CFAP52: variants seen among roughly 807,000 people sequenced by gnomAD.
The protein encoded by CFAP52 is cilia and flagella associated protein 52, also known as cilia- and flagella-associated protein 52.
A neutral mutation model predicts 70.5 loss-of-function variants in CFAP52; 57 were observed. The observed-to-expected ratio is 0.81, with a 90% CI of 0.65 to 1.01. CFAP52 has a LOEUF of 1.01. Among genes scored for constraint, CFAP52 ranks in the 50% least tolerant of loss-of-function variants. The probability of loss-of-function intolerance (pLI) is 0.00; values close to 1 mark genes in which losing one functional copy is unlikely to be tolerated. For missense variants in CFAP52, 785 were observed against 788.5 expected (o/e 1.00, Z 0.05); for synonymous variants, 267 against 292.5 (o/e 0.91, Z 0.89).
At chr17:9,578,556 TTTTA>T (rs1908070392) in intron 1 of CFAP52, among the ~76,000 whole-genome samples, 2 of 152,290 alleles carry the variant, frequency 1.3e-5, no homozygotes, top group East Asian at 1.9e-4. Flanking sequence ...GTATAGTTTA[TTTTA>T]TTTATTTATT....
chr17:9,634,069 T>C (rs934471832), intron 10 of CFAP52, among the ~76,000 whole-genome samples: 2 of 152,210 alleles, frequency 1.3e-5, no homozygotes, highest in Non-Finnish European at 2.9e-5. Context: ...ATGATCATGC[T>C]CAACTTTTTC....
At chr17:9,594,463 C>T in intron 4 of CFAP52, 142 bp downstream of exon 4, 1 of 1,032,846 alleles carries the variant, frequency 9.7e-7, no homozygotes, top group Non-Finnish European at 1.3e-6. Flanking sequence ...ATTTTGTACT[C>T]ATTAAAAGTT....
Position 9,594,325 on chromosome 17 carries a change from T to G in CFAP52, c.536+4T>G, listed in dbSNP as rs1429276660. 2.5e-6 allele frequency: 4 copies of G among 1,610,266 alleles called. No individual in the cohort carries two copies. The African/African-American group carries it at 4.0e-5, about 16-fold the overall frequency. ...AGATGTTTATGACTGCTGGAAAGTA[T>G]GTGTCTGCGTTCGGAGTTTTCAGAA... On this transcript the variant is annotated splice_donor_region_variant and intron_variant, in intron 4 of 13. Transcript: ENST00000352665.
chr17:9,609,701 C>T (rs998092119), intron 7 of CFAP52, among the ~76,000 whole-genome samples: 3 of 151,910 alleles, frequency 2.0e-5, no homozygotes, highest in Non-Finnish European at 4.4e-5. Context: ...AACGAGACCT[C>T]GTCTCAATTT....
intron 5 of CFAP52, among the ~76,000 whole-genome samples, chr17:9,599,195 T>C (rs1253535223): frequency 6.6e-6 from 1 of 152,208 alleles, no homozygotes; most frequent in East Asian, 1.9e-4. Context: ...ATCTGAAAAT[T>C]CAAAATTTGA....
chr17:9,633,978 G>A (rs1168216958), intron 10 of CFAP52, among the ~76,000 whole-genome samples: 1 of 152,126 alleles, frequency 6.6e-6, no homozygotes, highest in Non-Finnish European at 1.5e-5. Flanking sequence ...ACCGCGCCTG[G>A]CCCATCTTAT....
intron 1 of CFAP52, among the ~76,000 whole-genome samples, chr17:9,581,613 T>A (rs1908231039): frequency 6.6e-6 from 1 of 151,146 alleles, no homozygotes; most frequent in Non-Finnish European, 1.5e-5. Flanking sequence ...GAAAATGGAG[T>A]GTGTGTGAGT....
rs748964845 is a variant in CFAP52 at position 9,612,459 on chromosome 17, C to T, written c.1005C>T (p.Val335=). ...TLIATCHFDA[V]EDIVFPFGTA... is the part of the protein sequence containing the mutation. Reference sequence around the variant, plus strand: ...TAGCGACTTGTCACTTTGATGCTGTCGAGGATATTGTCTTTCCATTGTGAG... The same window carrying T: ...TAGCGACTTGTCACTTTGATGCTGTTGAGGATATTGTCTTTCCATTGTGAG... Residue 335 remains valine (V), a synonymous_variant, in exon 8 of 14, where the codon GTC becomes GTT. Transcript: ENST00000352665. 1.9e-6 allele frequency: 3 copies of T among 1,613,990 alleles called. No individual in the cohort carries two copies. The highest frequency in any genetic ancestry group is 4.5e-5 in the East Asian group (2 of 44,872).
chr17:9,580,717 A>C (rs1422848345), intron 1 of CFAP52, among the ~76,000 whole-genome samples: 1 of 150,688 alleles, frequency 6.6e-6, no homozygotes. Flanking sequence ...CTGTTAAAGC[A>C]GTGATGGTTT....
rs113680739 is a variant in CFAP52, at chr17:9,637,072, C to CA, written c.1472+1525dup. On this transcript the variant is annotated intron_variant, in intron 11 of 13. Coordinates refer to ENST00000352665, the MANE Select transcript of CFAP52 (RefSeq NM_145054.5). The stretch of plus-strand genomic sequence containing the variant: ...AAAAGCAAACAAACAAACAAAAAAG[C>CA]AAAAAAAAACCCGACAAAGCAAGCT... Among the ~76,000 whole-genome samples the CA allele has an allele frequency of 4.7e-3, 709 of 149,792 alleles. 3 individuals carry two copies. Among genetic ancestry groups the CA allele is most frequent in the East Asian group, 6.3e-3 (32 of 5,114 alleles).
chr17:9,584,747 G>A (rs1026713567), intron 1 of CFAP52, among the ~76,000 whole-genome samples: 2 of 151,826 alleles, frequency 1.3e-5, no homozygotes, highest in Admixed American at 6.6e-5. Flanking sequence ...TCAGCCTCCC[G>A]AGTAGCTGGG....
intron 3 of CFAP52, chr17:9,589,823 G>C (rs1908664928): frequency 9.2e-5 from 1 of 10,860 alleles, no homozygotes; most frequent in Non-Finnish European, 4.0e-4. Flanking sequence ...TTTGCAAGCA[G>C]AAAAAGCCTT....
intron 4 of CFAP52, among the ~76,000 whole-genome samples, chr17:9,597,805 G>A (rs1028371848): frequency 7.2e-6 from 1 of 139,046 alleles, no homozygotes; most frequent in African/African-American, 2.8e-5. Flanking sequence ...CTGTCAGAAA[G>A]AGAGAGAGAG....
chr17:9,594,371 C>A (rs917434881), intron 4 of CFAP52, 50 bp downstream of exon 4: 1 of 1,584,506 alleles, frequency 6.3e-7, no homozygotes, highest in Non-Finnish European at 8.6e-7. Context: ...GCTATATTTT[C>A]TTGCACAGAA....
intron 7 of CFAP52, among the ~76,000 whole-genome samples, chr17:9,611,860 A>G (rs1212166562): frequency 1.3e-5 from 2 of 152,152 alleles, no homozygotes; most frequent in Non-Finnish European, 2.9e-5. Flanking sequence ...CTATTCCATT[A>G]CAACTGGGTA....
chr17:9,582,300 A>G (rs1035770278), intron 1 of CFAP52, among the ~76,000 whole-genome samples: 1 of 152,190 alleles, frequency 6.6e-6, no homozygotes, highest in African/African-American at 2.4e-5. Flanking sequence ...TTTGTTCCAC[A>G]TCAACACAGA....
At chr17:9,578,009 T>C (rs753776498) in intron 1 of CFAP52, among the ~76,000 whole-genome samples, 10 of 152,166 alleles carry the variant, frequency 6.6e-5, no homozygotes, top group Non-Finnish European at 1.2e-4. Context: ...GGAGAATCAC[T>C]TGAACTTGGG....
At chr17:9,616,404 CG>C (rs1357407801) in intron 8 of CFAP52, among the ~76,000 whole-genome samples, 2 of 123,252 alleles carry the variant, frequency 1.6e-5, no homozygotes, top group East Asian at 2.4e-4. Context: ...AACTGCAAGG[CG>C]GCAACGAGGC....
chr17:9,598,398 G>T (rs1251119237), intron 5 of CFAP52, 65 bp downstream of exon 5: 2 of 1,319,712 alleles, frequency 1.5e-6, no homozygotes, highest in Non-Finnish European at 2.2e-6. Flanking sequence ...GCTGACCAAG[G>T]TGTTTGTGTG....
Sources: allele counts gnomAD v4.1 joint callset (sites outside exome capture counted in the v4.1 genomes callset), GRCh38; gene constraint gnomAD v4.1.1; transcripts MANE v1.5; gene names NCBI Gene and HGNC (gene_info 2026-07-23, HGNC 2026-07-21).